The following DSCAML1 variants were observed in gnomAD, a reference collection of about 807,000 sequenced individuals.
DSCAML1 encodes the protein DS cell adhesion molecule like 1.
A neutral mutation model predicts 200.5 loss-of-function variants in DSCAML1; 38 were observed. That is an observed-to-expected ratio of 0.19 (90% confidence interval 0.15 to 0.25). The LOEUF (loss-of-function observed/expected upper bound fraction) is 0.25. Ranked by LOEUF, DSCAML1 falls within the 10% of genes least tolerant of loss-of-function variation. The pLI is 1.00. For synonymous variants in DSCAML1, 1,215 were observed against 1,165.0 expected (o/e 1.04, Z -0.87); for missense variants, 2,223 against 2,858.8 (o/e 0.78, Z 5.07).
At position 117,549,807 on chromosome 11, in the gene DSCAML1, T is replaced by C. The variant is rs559171367; in HGVS notation, c.512-17285A>G. 3.9e-5 allele frequency among the ~76,000 whole-genome samples: 6 copies of C among 152,282 alleles called. 1 individual carries two copies. Among genetic ancestry groups the C allele is most frequent in the African/African-American group, 1.2e-4 (5 of 41,566 alleles). ...TCAAATAGCAGAGGCAATTCAGCTA[T>C]TTTGAACCTCTGCTTTTTAAGCTTA... On this transcript the variant is annotated intron_variant, in intron 3 of 32. Coordinates refer to ENST00000651296, the MANE Select transcript of DSCAML1 (RefSeq NM_020693.4).
At chr11:117,661,394 A>G (rs1402454189) in intron 3 of DSCAML1, among the ~76,000 whole-genome samples, 1 of 152,226 alleles carries the variant, frequency 6.6e-6, no homozygotes, top group African/African-American at 2.4e-5. Flanking sequence ...TGCACCGAAT[A>G]GTGAATACAC....
intron 4 of DSCAML1, among the ~76,000 whole-genome samples, chr11:117,525,662 G>A (rs531958724): frequency 6.6e-6 from 1 of 152,226 alleles, no homozygotes; most frequent in Non-Finnish European, 1.5e-5. Context: ...ATTTCACCAT[G>A]TTGGCCAGGC....
intron 3 of DSCAML1, among the ~76,000 whole-genome samples, chr11:117,683,704 T>C (rs1194842813): frequency 1.3e-5 from 2 of 152,206 alleles, no homozygotes; most frequent in Non-Finnish European, 2.9e-5. Context: ...GAAGGATGTG[T>C]GACTTTGGGC....
At chr11:117,511,200 G>A (rs1032460341) in intron 8 of DSCAML1, among the ~76,000 whole-genome samples, 7 of 152,164 alleles carry the variant, frequency 4.6e-5, no homozygotes, top group Non-Finnish European at 1.0e-4. Context: ...GGGCATTTGG[G>A]AGAGAGGGTG....
At chr11:117,793,582 G>A (rs1313213164) in intron 1 of DSCAML1, among the ~76,000 whole-genome samples, 3 of 152,108 alleles carry the variant, frequency 2.0e-5, no homozygotes, top group African/African-American at 7.2e-5. Flanking sequence ...GGGGTGCTCT[G>A]GACAGACCTT....
rs2048892763 is a variant in DSCAML1, at chr11:117,480,542, G to A, written c.2686C>T (p.Arg896Trp). The change falls in exon 14 of 33, where the codon CGG (arginine) becomes TGG (tryptophan). Residue 896 changes from arginine (R) to tryptophan (W), a missense_variant. Coordinates refer to ENST00000651296, the MANE Select transcript of DSCAML1 (RefSeq NM_020693.4). This position sits in a 1 kb window ranked among gnomAD's most constrained non-coding sequence, Gnocchi z 4.1. ...EPPDPPELEI[R>W]EVKARSMNLR... ...TTCATGCTCCGGGCCTTCACCTCCC[G>A]GATCTCCAGCTCTGGGGGGTCGGGG... 6.3e-7 allele frequency: 1 copy of A among 1,577,874 alleles called. No individual in the cohort carries two copies. The highest frequency in any genetic ancestry group is 8.6e-7 in the Non-Finnish European group (1 of 1,161,096).
intron 5 of DSCAML1, 78 bp downstream of exon 5, chr11:117,524,727 G>T: frequency 6.7e-7 from 1 of 1,492,470 alleles, no homozygotes; most frequent in Non-Finnish European, 9.0e-7. Context: ...AGGTCCAGCT[G>T]TCGGCCACAC....
chr11:117,518,637 G>T lies in DSCAML1; in HGVS notation c.1339C>A (p.Pro447Thr). 2 of 1,613,446 alleles carry T rather than the reference G, an allele frequency of 1.2e-6. No homozygotes were observed. Among genetic ancestry groups the T allele is most frequent in the South Asian group, 2.2e-5 (2 of 91,050 alleles). The stretch of plus-strand genomic sequence containing the variant: ...CGGTGGCTGCCATCCCGCACGATGG[G>T]CTCATCGTCGAGGGCCCAGGTGACC... ...PTVTWALDDE[P>T]IVRDGSHRTN... Residue 447 changes from proline to threonine, a missense_variant, in exon 7 of 33, where the codon CCC (proline) becomes ACC (threonine). Transcript: ENST00000651296. The surrounding 1 kb of genome is among the most constrained non-coding windows in gnomAD (Gnocchi z 6.3).
At chr11:117,448,780 T>G (rs1039947598) in intron 20 of DSCAML1, among the ~76,000 whole-genome samples, 1 of 152,118 alleles carries the variant, frequency 6.6e-6, no homozygotes, top group African/African-American at 2.4e-5. Context: ...GTGATTGGCA[T>G]GAGCACCCAA....
At chr11:117,631,690 CTGTG>C (rs376799210) in intron 3 of DSCAML1, among the ~76,000 whole-genome samples, 41 of 150,372 alleles carry the variant, frequency 2.7e-4, no homozygotes, top group Admixed American at 1.5e-3. Flanking sequence ...GTGATTGTGC[CTGTG>C]TGTGTGTGTG....
At chr11:117,451,595 G>C (rs981924262) in intron 19 of DSCAML1, among the ~76,000 whole-genome samples, 1 of 152,164 alleles carries the variant, frequency 6.6e-6, no homozygotes, top group Non-Finnish European at 1.5e-5. Flanking sequence ...AAGCCAAGGC[G>C]GGCGGATCCC....
chr11:117,525,014 A>G lies in DSCAML1; in HGVS notation c.728T>C (p.Val243Ala), dbSNP rs760728509. 6.2e-7 allele frequency: 1 copy of G among 1,608,144 alleles called. No homozygotes were observed. Among genetic ancestry groups the G allele is most frequent in the South Asian group, 1.1e-5 (1 of 89,974 alleles). ...HSQEVWAGHT[V>A]ELPCTASGYP... ...GCCCGAGGCGGTGCAGGGCAGCTCC[A>G]CGGTGTGGCCGGCCCACACTTCCTG... The change falls in exon 5 of 33, where the codon GTG (valine) becomes GCG (alanine). Residue 243 changes from valine (V) to alanine (A), a missense_variant. By Grantham distance (64) the Val-to-Ala change is moderately conservative. This residue lies in a region of DSCAML1 where 579 missense variants were observed against 721.5 expected (regional missense o/e 0.80). Coordinates refer to ENST00000651296, the MANE Select transcript of DSCAML1 (RefSeq NM_020693.4).
intron 3 of DSCAML1, among the ~76,000 whole-genome samples, chr11:117,698,049 C>T (rs1001577775): frequency 2.6e-5 from 4 of 152,182 alleles, no homozygotes; most frequent in East Asian, 1.9e-4. Flanking sequence ...GGATTTCAGG[C>T]GTGAGCCACT....
chr11:117,481,314 G>T, intron 12 of DSCAML1, 44 bp from the exon 13 acceptor site: 1 of 1,591,788 alleles, frequency 6.3e-7, no homozygotes. Context: ...TAAACAGGGA[G>T]AGTCTTTTAG....
chr11:117,699,330 G>A (rs1401594265), intron 3 of DSCAML1, among the ~76,000 whole-genome samples: 1 of 151,420 alleles, frequency 6.6e-6, no homozygotes, highest in Non-Finnish European at 1.5e-5. Flanking sequence ...TGTAGCACAC[G>A]GCTGGGTCTC....
chr11:117,667,668 T>G (rs1053712599), intron 3 of DSCAML1, among the ~76,000 whole-genome samples: 23 of 152,178 alleles, frequency 1.5e-4, no homozygotes, highest in African/African-American at 5.5e-4. Context: ...CCTCCTCTGT[T>G]TTAAGTGCCT....
intron 1 of DSCAML1, among the ~76,000 whole-genome samples, chr11:117,796,402 T>G (rs1357634977): frequency 6.0e-5 from 9 of 150,516 alleles, no homozygotes; most frequent in Admixed American, 5.9e-4. Context: ...GGCAGAGGGG[T>G]GGGGTAGGGC....
At chr11:117,630,207 C>G (rs1354509617) in intron 3 of DSCAML1, among the ~76,000 whole-genome samples, 1 of 151,744 alleles carries the variant, frequency 6.6e-6, no homozygotes. Flanking sequence ...CTTCTTCTTT[C>G]GTACAGTTCC....
At chr11:117,598,062 T>TAACA (rs1204572718) in intron 3 of DSCAML1, among the ~76,000 whole-genome samples, 2 of 152,176 alleles carry the variant, frequency 1.3e-5, no homozygotes, top group Non-Finnish European at 2.9e-5. Flanking sequence ...TTTAATTGTT[T>TAACA]AACATTTTCC....
Sources: allele counts gnomAD v4.1 joint callset (sites outside exome capture counted in the v4.1 genomes callset), GRCh38; gene constraint gnomAD v4.1.1; regional missense constraint gnomAD v4.1.1; non-coding constraint Gnocchi (gnomAD v3.1); transcripts MANE v1.5; gene names NCBI Gene and HGNC (gene_info 2026-07-23, HGNC 2026-07-21).